SHISAL2B: variants seen among roughly 807,000 people sequenced by gnomAD.
SHISAL2B encodes shisa like 2B.
In SHISAL2B, 12 loss-of-function variants were observed where a neutral mutation model predicts 16.5. The observed-to-expected ratio is 0.73, with a 90% CI of 0.47 to 1.18. The LOEUF (loss-of-function observed/expected upper bound fraction) is 1.18, where lower values mean the gene tolerates loss of function less well. Among genes scored for constraint, SHISAL2B ranks in the 50% most tolerant of loss-of-function variants. The probability of loss-of-function intolerance (pLI) is 0.00; values close to 1 mark genes in which losing one functional copy is unlikely to be tolerated. For missense variants in SHISAL2B, 183 were observed against 193.6 expected (o/e 0.95, Z 0.33); for synonymous variants, 72 against 75.0 (o/e 0.96, Z 0.21).
In SHISAL2B at chr5:64,713,708, G is replaced by A. The variant is rs1741992457; in HGVS notation, c.350-4181G>A. Among the ~76,000 whole-genome samples the A allele has an allele frequency of 2.3e-5, 3 of 129,310 alleles. No individual in the cohort carries two copies. The South Asian group carries it at 7.5e-4, about 32-fold the overall frequency. The allele number at this position is 129,310 out of a possible 152,430, so 84.8% of individuals were successfully genotyped here. Reference sequence around the variant, plus strand: ...GACGCAGATTTGGTCTTTTCACATAGTCCCATATTTCTTGGAGGCTTTGCT... The same window carrying A: ...GACGCAGATTTGGTCTTTTCACATAATCCCATATTTCTTGGAGGCTTTGCT... On this transcript the variant is annotated intron_variant, in intron 2 of 2. Coordinates refer to ENST00000389074, the MANE Select transcript of SHISAL2B (RefSeq NM_001164442.2).
chr5:64,716,184 C>A (rs1318289589), intron 2 of SHISAL2B, among the ~76,000 whole-genome samples: 1 of 152,208 alleles, frequency 6.6e-6, no homozygotes, highest in Non-Finnish European at 1.5e-5. Context: ...CGGTCACTTT[C>A]TTCACTCACT....
intron 2 of SHISAL2B, among the ~76,000 whole-genome samples, chr5:64,707,580 T>C (rs1453694375): frequency 6.6e-6 from 1 of 152,210 alleles, no homozygotes; most frequent in African/African-American, 2.4e-5. Context: ...AACATTCTTA[T>C]TGCACTTACA....
At chr5:64,695,283 A>C (rs1455029976) in intron 1 of SHISAL2B, among the ~76,000 whole-genome samples, 2 of 151,928 alleles carry the variant, frequency 1.3e-5, no homozygotes, top group Non-Finnish European at 2.9e-5. Context: ...AAAAAAAGTA[A>C]TGTGTAAATT....
chr5:64,716,986 C>G (rs1742064956), intron 2 of SHISAL2B, among the ~76,000 whole-genome samples: 2 of 152,120 alleles, frequency 1.3e-5, no homozygotes, highest in African/African-American at 2.4e-5. Context: ...GTATAGTCAA[C>G]AAGGATTTCT....
At chr5:64,716,313 T>G (rs1184229634) in intron 2 of SHISAL2B, among the ~76,000 whole-genome samples, 1 of 151,938 alleles carries the variant, frequency 6.6e-6, no homozygotes, top group East Asian at 1.9e-4. Flanking sequence ...TACTCAGTTT[T>G]AAAGTTTTCT....
intron 1 of SHISAL2B, chr5:64,691,377 G>C (rs1358718478): frequency 6.7e-6 from 1 of 148,558 alleles, no homozygotes; most frequent in Non-Finnish European, 1.5e-5. Flanking sequence ...TTTTAAAAGT[G>C]TGTGTGTGTG....
intron 2 of SHISAL2B, among the ~76,000 whole-genome samples, chr5:64,702,158 T>A (rs59184733): frequency 1.2e-4 from 19 of 152,282 alleles, no homozygotes; most frequent in African/African-American, 4.1e-4. Flanking sequence ...TTTTCCAGTA[T>A]AGTTTATATT....
Position 64,700,233 on chromosome 5 carries a change from A to C in SHISAL2B, c.349+4569A>C, listed in dbSNP as rs115426859. On this transcript the variant is annotated intron_variant, in intron 2 of 2. Coordinates refer to ENST00000389074, the MANE Select transcript of SHISAL2B (RefSeq NM_001164442.2). ...AGGAGCAATTAAAGGGGTGTCTTAGAGCCCTGCTTCTCAAACTTTTCCACC... is the reference window on the plus strand; with the variant it reads ...AGGAGCAATTAAAGGGGTGTCTTAGCGCCCTGCTTCTCAAACTTTTCCACC... Among the ~76,000 whole-genome samples the C allele has an allele frequency of 4.6e-3, 702 of 152,192 alleles. 3 individuals carry two copies. Among genetic ancestry groups the C allele is most frequent in the African/African-American group, 0.016 (668 of 41,514 alleles).
intron 2 of SHISAL2B, among the ~76,000 whole-genome samples, chr5:64,714,774 G>A (rs1353793681): frequency 6.6e-6 from 1 of 152,184 alleles, no homozygotes. Flanking sequence ...TCTGAAAAGC[G>A]CAATATTCGG....
intron 2 of SHISAL2B, among the ~76,000 whole-genome samples, chr5:64,711,430 T>G (rs1239971769): frequency 6.7e-6 from 1 of 148,314 alleles, no homozygotes. Flanking sequence ...TGCTGCTGGA[T>G]TCGGTTTGCC....
chr5:64,715,068 C>T (rs935274753), intron 2 of SHISAL2B, among the ~76,000 whole-genome samples: 20 of 152,208 alleles, frequency 1.3e-4, no homozygotes, highest in African/African-American at 4.1e-4. Flanking sequence ...CTCCCCCCAC[C>T]GACATCTTTC....
rs77703612 is a variant in SHISAL2B, at chr5:64,706,747, A to G, written c.349+11083A>G. Reference sequence around the variant, plus strand: ...ATCCTGGTAAATCAATATAGGCCATATTACTTTGAAGTGGCTTATGTATGT... The same window carrying G: ...ATCCTGGTAAATCAATATAGGCCATGTTACTTTGAAGTGGCTTATGTATGT... On this transcript the variant is annotated intron_variant, in intron 2 of 2. Coordinates refer to ENST00000389074, the MANE Select transcript of SHISAL2B (RefSeq NM_001164442.2). Among the ~76,000 whole-genome samples, 196 of 152,302 alleles carry G rather than the reference A, an allele frequency of 1.3e-3. 1 individual carries two copies. Among genetic ancestry groups the G allele is most frequent in the African/African-American group, 4.6e-3 (190 of 41,568 alleles).
chr5:64,715,492 G>C (rs1742036557), intron 2 of SHISAL2B, among the ~76,000 whole-genome samples: 1 of 152,122 alleles, frequency 6.6e-6, no homozygotes, highest in South Asian at 2.1e-4. Flanking sequence ...GCAGCTGGAA[G>C]AGGCTTGGGG....
At chr5:64,714,558 T>G (rs1246097999) in intron 2 of SHISAL2B, among the ~76,000 whole-genome samples, 4 of 152,008 alleles carry the variant, frequency 2.6e-5, no homozygotes, top group Non-Finnish European at 4.4e-5. Flanking sequence ...TGAGCTGTGG[T>G]GGGCTCCACC....
At chr5:64,697,565 A>G (rs1382510506) in intron 2 of SHISAL2B, among the ~76,000 whole-genome samples, 1 of 152,152 alleles carries the variant, frequency 6.6e-6, no homozygotes, top group Non-Finnish European at 1.5e-5. Context: ...ATAGTGTATT[A>G]AAAAGTACTA....
chr5:64,712,661 T>G (rs887441974), intron 2 of SHISAL2B, among the ~76,000 whole-genome samples: 2 of 151,956 alleles, frequency 1.3e-5, no homozygotes, highest in Non-Finnish European at 2.9e-5. Context: ...CCATTATTAA[T>G]GTGTGGGAGT....
chr5:64,717,862 T>C, intron 2 of SHISAL2B, 27 bp from the exon 3 acceptor site: 1 of 1,488,308 alleles, frequency 6.7e-7, no homozygotes, highest in Non-Finnish European at 8.8e-7. Context: ...TAATTTCAAA[T>C]AATTATTTTG....
At chr5:64,710,641 T>C (rs1286679894) in intron 2 of SHISAL2B, among the ~76,000 whole-genome samples, 2 of 104,294 alleles carry the variant, frequency 1.9e-5, no homozygotes, top group Non-Finnish European at 3.6e-5. Context: ...ATGGCCATTT[T>C]CACGATATTG....
intron 2 of SHISAL2B, among the ~76,000 whole-genome samples, chr5:64,714,816 G>A (rs774293653): frequency 2.4e-4 from 37 of 152,090 alleles, no homozygotes; most frequent in Admixed American, 2.0e-3. Context: ...AGGTGTGTCC[G>A]TCACCCCTTT....
Sources: gnomAD v4.1 joint callset for allele counts (sites outside exome capture counted in the v4.1 genomes callset) on GRCh38, gnomAD v4.1.1 for gene constraint, MANE v1.5 for transcripts, NCBI Gene and HGNC (gene_info 2026-07-23, HGNC 2026-07-21) for gene names.